COL5A3: variants seen among roughly 807,000 people sequenced by gnomAD.
COL5A3 encodes collagen alpha-3(V) chain.
A neutral mutation model predicts 250.0 loss-of-function variants in COL5A3; 172 were observed. The observed-to-expected ratio is 0.69, with a 90% CI of 0.61 to 0.78. COL5A3 has a LOEUF of 0.78. COL5A3 is among the 30% of genes least tolerant of loss of function. COL5A3 has a pLI of 0.00. For missense variants in COL5A3, 2,340 were observed against 2,334.4 expected (o/e 1.00, Z -0.05); for synonymous variants, 937 against 900.4 (o/e 1.04, Z -0.73).
At chr19:9,973,348 C>A (rs2086878791) in intron 50 of COL5A3, among the ~76,000 whole-genome samples, 1 of 152,158 alleles carries the variant, frequency 6.6e-6, no homozygotes, top group Non-Finnish European at 1.5e-5. Flanking sequence ...CTCACCTATC[C>A]CCTGGGTCAT....
chr19:9,960,364 C>T lies in COL5A3; in HGVS notation c.*47G>A. 6.2e-7 allele frequency: 1 copy of T among 1,610,520 alleles called. No homozygotes were observed. The highest frequency in any genetic ancestry group is 1.1e-5 in the South Asian group (1 of 90,944). The stretch of plus-strand genomic sequence containing the variant: ...GGCTTCAAAGCCTCAGCACCAAATG[C>T]ACCCCATTCTGGGGCTCCCTCATGG... On this transcript the variant is annotated 3_prime_UTR_variant, in exon 67 of 67. Coordinates refer to ENST00000264828, the MANE Select transcript of COL5A3 (RefSeq NM_015719.4).
Position 10,001,864 on chromosome 19 carries a change from G to A in COL5A3, c.867C>T (p.Pro289=). Residue 289 remains proline, a synonymous_variant, in exon 7 of 67, where the codon CCC becomes CCT. Transcript: ENST00000264828. ...GATTTGGAGCTGGAGTCTCTGTCTT[G>A]GGGATGTCAGTGGAGGTCTGGAGCA... The part of the protein sequence containing the change: ...SAENQTSTDI[P]KTETPAPNLP... The A allele has an allele frequency of 6.2e-7, 1 of 1,613,918 alleles. No homozygotes were observed. Among genetic ancestry groups the A allele is most frequent in the Non-Finnish European group, 8.5e-7 (1 of 1,179,854 alleles).
At position 10,005,872 on chromosome 19, in the gene COL5A3, C is replaced by T. The variant is rs199691548; in HGVS notation, c.361G>A (p.Ala121Thr). The change falls in exon 3 of 67, where the codon GCA (alanine) becomes ACA (threonine). Residue 121 changes from alanine to threonine, a missense_variant. Physicochemically the swap from Ala to Thr is moderately conservative, Grantham distance 58 (BLOSUM62 0). Transcript: ENST00000264828. ...DERGARQLGLALGPALGLLGD... is the reference protein window; with the variant it reads ...DERGARQLGLTLGPALGLLGD... ...AGGAGACCCAGCGCTGGCCCCAGTG[C>T]CAGGCCCAACTGCCGGGCACCCCTT... 59 of 1,613,732 alleles carry T rather than the reference C, an allele frequency of 3.7e-5. No homozygotes were observed. Among genetic ancestry groups the T allele is most frequent in the Non-Finnish European group, 4.7e-5 (56 of 1,180,004 alleles).
At position 10,004,021 on chromosome 19, in the gene COL5A3, T is replaced by C. The variant is rs747402577; in HGVS notation, c.699+20A>G. ...CCAGCCTGTGTCCTGAGATTAGGAG[T>C]CATGGAGTCCCTCACTCACCACTGT... On this transcript the variant is annotated intron_variant, in intron 5 of 66. Coordinates refer to ENST00000264828, the MANE Select transcript of COL5A3 (RefSeq NM_015719.4). The C allele has an allele frequency of 6.4e-7, 1 of 1,570,756 alleles. No individual in the cohort carries two copies. The highest frequency in any genetic ancestry group is 8.8e-7 in the Non-Finnish European group (1 of 1,140,442).
chr19:9,985,810 T>A (rs367878699), intron 31 of COL5A3, 32 bp downstream of exon 31: 6 of 1,596,480 alleles, frequency 3.8e-6, no homozygotes, highest in Non-Finnish European at 5.1e-6. Flanking sequence ...CCTGCCCATA[T>A]CCATCTCCAC....
At position 9,974,800 on chromosome 19, in the gene COL5A3, T is replaced by C. The variant is rs574348832; in HGVS notation, c.3343-392A>G. 3.3e-5 allele frequency among the ~76,000 whole-genome samples: 5 copies of C among 152,158 alleles called. 1 individual carries two copies. The East Asian group carries it at 9.7e-4, about 29-fold the overall frequency. On this transcript the variant is annotated intron_variant, in intron 45 of 66. Transcript: ENST00000264828. ...GATAGGGCCGTATGTTCCTATTGTATGGTAATAAACAAAAAAGGACAGGTC... is the reference window on the plus strand; with the variant it reads ...GATAGGGCCGTATGTTCCTATTGTACGGTAATAAACAAAAAAGGACAGGTC...
intron 31 of COL5A3, among the ~76,000 whole-genome samples, chr19:9,984,930 C>A (rs1447125382): frequency 6.9e-6 from 1 of 145,022 alleles, no homozygotes; most frequent in Non-Finnish European, 1.5e-5. Flanking sequence ...TAGCTGGGAC[C>A]ACATCTGGCT....
At chr19:9,963,566 G>GT (rs1568401507) in intron 64 of COL5A3, among the ~76,000 whole-genome samples, 5 of 121,134 alleles carry the variant, frequency 4.1e-5, no homozygotes, top group Non-Finnish European at 6.9e-5. Flanking sequence ...TTTTTTGGGG[G>GT]GGGGGGCGGG....
rs749448874 is a variant in COL5A3, at chr19:9,997,403, G to A, written c.1231C>T (p.Pro411Ser). Residue 411 changes from proline to serine, a missense_variant, in exon 11 of 67, where the codon CCC becomes TCC. Transcript: ENST00000264828. ...CCAGGGTCGCCAGGGAATCCTGGGG[G>A]GCCGGGAGGGCCTGAGGGGCCAACC... ...GVVGPSGPPGPPGFPGDPGPP... is the reference protein window; with the variant it reads ...GVVGPSGPPGSPGFPGDPGPP... The A allele has an allele frequency of 5.6e-6, 9 of 1,609,958 alleles. No homozygotes were observed. The highest frequency in any genetic ancestry group is 1.1e-5 in the South Asian group (1 of 89,830).
Position 9,976,563 on chromosome 19 carries a change from G to T in COL5A3, c.3337C>A (p.Pro1113Thr), listed in dbSNP as rs752175069. Residue 1113 changes from proline to threonine, a missense_variant, in exon 45 of 67, where the codon CCC (proline) becomes ACC (threonine). By Grantham distance (38) the Pro-to-Thr change is conservative. Transcript: ENST00000264828. ...GIRGPAGHPG[P>T]PGADGAQGRR... is the part of the protein sequence containing the mutation. ...GAAAAGATGGGGGCACTCACCGGGG[G>T]ACCTGGGTGTCCTGCAGGACCCCGT... 2 of 1,568,784 alleles carry T rather than the reference G, an allele frequency of 1.3e-6. No homozygotes were observed. The highest frequency in any genetic ancestry group is 1.2e-5 in the South Asian group (1 of 82,442).
At chr19:9,972,705 G>A (rs769687094) in intron 51 of COL5A3, among the ~76,000 whole-genome samples, 9 of 152,072 alleles carry the variant, frequency 5.9e-5, no homozygotes, top group Non-Finnish European at 1.2e-4. Flanking sequence ...GTGTGGTGGC[G>A]CGTGCCTGTA....
At position 9,993,748 on chromosome 19, in the gene COL5A3, C is replaced by A; in HGVS notation, c.1641+5G>T. On this transcript the variant is annotated splice_donor_5th_base_variant and intron_variant, in intron 17 of 66. Transcript: ENST00000264828. ...CCAAGTCTTATCTCAGCCCCCATCA[C>A]CTACCTTAGGTCCAGTGTCCCCTGG... is the stretch of plus-strand genomic sequence containing the variant. 6.2e-7 allele frequency: 1 copy of A among 1,614,168 alleles called. No individual in the cohort carries two copies.
chr19:9,997,708 C>T (rs2087293097), intron 10 of COL5A3, among the ~76,000 whole-genome samples: 1 of 152,136 alleles, frequency 6.6e-6, no homozygotes, highest in African/African-American at 2.4e-5. Flanking sequence ...CTCAAGCAAT[C>T]CTCCCACCTT....
intron 55 of COL5A3, 52 bp from the exon 56 acceptor site, chr19:9,969,734 C>A (rs2277965): frequency 2.5e-6 from 4 of 1,580,426 alleles, no homozygotes; most frequent in Non-Finnish European, 2.6e-6. Flanking sequence ...TTCCTGCCTC[C>A]TGACCCCTGC....
intron 45 of COL5A3, among the ~76,000 whole-genome samples, chr19:9,975,289 A>G (rs2086903776): frequency 6.6e-6 from 1 of 151,930 alleles, no homozygotes; most frequent in African/African-American, 2.4e-5. Flanking sequence ...CATTTTGGCC[A>G]GGCTGATATT....
chr19:9,974,361 C>T lies in COL5A3; in HGVS notation c.3390G>A (p.Gly1130=). Residue 1130 remains glycine, a synonymous_variant, in exon 46 of 67, where the codon GGG becomes GGA. Transcript: ENST00000264828. ...CTCTGACTCCGTCATCTCCTTTCTG[C>T]CCAAAGAGGCCTGGGGGTCCCCGGC... ...QGRRGPPGLF[G]QKGDDGVRGF... is the part of the protein sequence containing the mutation. 2 of 1,612,636 alleles carry T rather than the reference C, an allele frequency of 1.2e-6. No individual in the cohort carries two copies. The highest frequency in any genetic ancestry group is 1.7e-6 in the Non-Finnish European group (2 of 1,179,384).
intron 50 of COL5A3, among the ~76,000 whole-genome samples, chr19:9,973,266 G>A (rs2086877954): frequency 6.6e-6 from 1 of 152,180 alleles, no homozygotes; most frequent in South Asian, 2.1e-4. Context: ...TGCTGCCCTT[G>A]AGTGAATTAG....
rs2087195620 is a variant in COL5A3, at chr19:9,991,829, C to T, written c.1906G>A (p.Glu636Lys). The T allele has an allele frequency of 1.2e-6, 2 of 1,609,488 alleles. No individual in the cohort carries two copies. The highest frequency in any genetic ancestry group is 1.7e-6 in the Non-Finnish European group (2 of 1,178,074). The change falls in exon 23 of 67, where the codon GAA (glutamate) becomes AAA (lysine). Residue 636 changes from glutamate (E) to lysine (K), a missense_variant. Physicochemically the swap from Glu to Lys is moderately conservative, Grantham distance 56. Transcript: ENST00000264828. ...CCCTGCTGTCCCGGAGGGCCTGGTTCTCCTGGAGGACCCTGGGGAGAAAGT... is the reference window on the plus strand; with the variant it reads ...CCCTGCTGTCCCGGAGGGCCTGGTTTTCCTGGAGGACCCTGGGGAGAAAGT... ...GAKGNVGPPGEPGPPGQQGNH... is the reference protein window; with the variant it reads ...GAKGNVGPPGKPGPPGQQGNH...
Position 10,001,656 on chromosome 19 carries a change from AG to A in COL5A3, c.977del (p.Pro326LeufsTer58). The A allele has an allele frequency of 6.2e-7, 1 of 1,613,970 alleles. No homozygotes were observed. The highest frequency in any genetic ancestry group is 8.5e-7 in the Non-Finnish European group (1 of 1,179,988). The stretch of plus-strand genomic sequence containing the variant: ...GGGTCCCCAGCTCGGTTCCACTGTC[AG>A]GGTCCAAGCTCCTCTGAGAACGTTA... The part of the protein sequence containing the change: ...NATILERSLD[P>X]DSGTELGTLE... On this transcript the variant is annotated frameshift_variant, in exon 8 of 67. Transcript: ENST00000264828. LOFTEE classifies it high-confidence loss of function.
Sources: allele counts gnomAD v4.1 joint callset (sites outside exome capture counted in the v4.1 genomes callset), GRCh38; gene constraint gnomAD v4.1.1; transcripts MANE v1.5; gene names NCBI Gene and HGNC (gene_info 2026-07-23, HGNC 2026-07-21).